AGL: variants seen among roughly 807,000 people sequenced by gnomAD.
The protein encoded by AGL is amylo-alpha-1,6-glucosidase and 4-alpha-glucanotransferase.
In AGL, 128 loss-of-function variants were observed where a neutral mutation model predicts 199.3. The observed-to-expected ratio is 0.64, with a 90% confidence interval of 0.56 to 0.74. The LOEUF is 0.74. Ranked by LOEUF, AGL falls within the 30% of genes least tolerant of loss-of-function variation. The pLI is 0.00. For synonymous variants in AGL, 584 were observed against 594.7 expected, an observed-to-expected ratio of 0.98 and a Z score of 0.26; for missense variants, 1,809 against 1,820.8, an observed-to-expected ratio of 0.99 and a Z score of 0.12.
At chr1:99,878,450 A>G (rs1044890353) in intron 12 of AGL, among the ~76,000 whole-genome samples, 2 of 152,134 alleles carry the variant, frequency 1.3e-5, no homozygotes, top group South Asian at 2.1e-4. Context: ...TATAAAAATT[A>G]TAAGTGTAAA....
intron 5 of AGL, among the ~76,000 whole-genome samples, chr1:99,865,160 T>C (rs1650402411): frequency 6.6e-6 from 1 of 151,802 alleles, no homozygotes; most frequent in Admixed American, 6.6e-5. Context: ...AAACACAAAA[T>C]ATCAAAATAT....
At chr1:99,891,500 C>G (rs974548641) in intron 22 of AGL, 106 bp from the exon 23 acceptor site, 2 of 1,519,490 alleles carry the variant, frequency 1.3e-6, no homozygotes, top group Non-Finnish European at 1.8e-6. Flanking sequence ...AAATGGAAAT[C>G]GGGTTTATAG....
chr1:99,870,723 T>C lies in AGL; in HGVS notation c.847-35T>C, dbSNP rs534584659. ...TTAACTGATTTTAAATAAGTATATG[T>C]ATATATGTATTTTTTAACTATTGAC... On this transcript the variant is annotated intron_variant, in intron 6 of 33. Coordinates refer to ENST00000361915, the MANE Select transcript of AGL (RefSeq NM_000642.3). The C allele has an allele frequency of 9.1e-6, 13 of 1,422,746 alleles. No homozygotes were observed. In the African/African-American group the frequency reaches 1.7e-4, roughly 19 times the overall value. The allele number at this position is 1,422,746 out of a possible 1,614,324, so 88.1% of individuals were successfully genotyped here. A position where few individuals can be genotyped will look rare whatever the true frequency, so the allele number is the denominator to read the frequency against.
At chr1:99,919,977 G>A (rs1275813391) in intron 33 of AGL, among the ~76,000 whole-genome samples, 1 of 152,110 alleles carries the variant, frequency 6.6e-6, no homozygotes, top group African/African-American at 2.4e-5. Context: ...CACCTACCTT[G>A]CTCTGTCCCA....
intron 26 of AGL, 27 bp from the exon 27 acceptor site, chr1:99,902,656 A>G: frequency 6.6e-7 from 1 of 1,516,322 alleles, no homozygotes; most frequent in Non-Finnish European, 9.2e-7. Context: ...TTTCTAACAG[A>G]GGTAACACCC....
intron 8 of AGL, among the ~76,000 whole-genome samples, 155 bp downstream of exon 8, chr1:99,874,965 C>G (rs1298241465): frequency 6.6e-6 from 1 of 152,140 alleles, no homozygotes; most frequent in Non-Finnish European, 1.5e-5. Flanking sequence ...CATTTTCCCA[C>G]TTTTTCTGTG....
intron 4 of AGL, among the ~76,000 whole-genome samples, chr1:99,862,986 G>A (rs578793): frequency 0.74 from 112,869 of 151,688 alleles, 42,795 homozygotes; most frequent in African/African-American, 0.91. Flanking sequence ...ACCCTGTCAC[G>A]TAGGCTGCAA....
At position 99,875,460 on chromosome 1, in the gene AGL, T is replaced by C; in HGVS notation, c.1283+5T>C. The C allele has an allele frequency of 6.2e-7, 1 of 1,613,720 alleles. No individual in the cohort carries two copies. Among genetic ancestry groups the C allele is most frequent in the Non-Finnish European group, 8.5e-7 (1 of 1,179,650 alleles). ...AAAGCATCCTTTAGTTACCAGGTGT[T>C]GCATTTTTGTTTTTTTTCTTATTGA... On this transcript the variant is annotated splice_donor_5th_base_variant and intron_variant, in intron 10 of 33. Coordinates refer to ENST00000361915, the MANE Select transcript of AGL (RefSeq NM_000642.3).
chr1:99,877,707 A>G lies in AGL; in HGVS notation c.1490A>G (p.Asn497Ser). ...WGDSVKLRYG[N>S]KPEDCPYLWA... ...GACAGTGTTAAATTACGCTATGGGA[A>G]TAAACCAGAGGACTGTCCTTATCTC... Residue 497 changes from asparagine to serine, a missense_variant, in exon 12 of 34, where the codon AAT becomes AGT. Asn to Ser is a conservative substitution (Grantham distance 46). Coordinates refer to ENST00000361915, the MANE Select transcript of AGL (RefSeq NM_000642.3). 6.2e-7 allele frequency: 1 copy of G among 1,614,094 alleles called. No homozygotes were observed.
At chr1:99,914,164 T>C (rs1654947033) in intron 30 of AGL, among the ~76,000 whole-genome samples, 1 of 152,082 alleles carries the variant, frequency 6.6e-6, no homozygotes, top group Non-Finnish European at 1.5e-5. Context: ...TATAGCACAA[T>C]AGGTTACATG....
rs756393699 is a variant in AGL, at chr1:99,913,533, C to G, written c.3956C>G (p.Ala1319Gly). ...HEVTVKRHGK[A>G]IKVSYDEWNR... ...GTCTTATGTCATTTTTCAGGAAAGG[C>G]TATAAAGGTCTCATATGATGAGTGG... The change falls in exon 30 of 34, where the codon GCT (alanine) becomes GGT (glycine). Residue 1319 changes from alanine to glycine, a missense_variant. Transcript: ENST00000361915. The G allele has an allele frequency of 7.4e-6, 12 of 1,611,874 alleles. No individual in the cohort carries two copies. In the South Asian group the frequency reaches 1.2e-4, roughly 16 times the overall value.
chr1:99,915,420 G>A lies in AGL; in HGVS notation c.4193G>A (p.Trp1398Ter), dbSNP rs1344484845. 1.9e-6 allele frequency: 3 copies of A among 1,613,642 alleles called. No individual in the cohort carries two copies. Among genetic ancestry groups the A allele is most frequent in the Non-Finnish European group, 2.5e-6 (3 of 1,179,840 alleles). The change falls in exon 31 of 34, where the codon TGG (tryptophan) becomes TAG (stop). Residue 1398 changes from tryptophan (W) to a stop codon, truncating the protein, a stop_gained. Transcript: ENST00000361915. LOFTEE classifies it high-confidence loss of function. ...APELFTTEKA[W>*]KALEIAEKKL... ...GAGCTCTTTACTACAGAAAAAGCATGGAAAGCTTTGGAGATTGCAGAAAAA... is the reference window on the plus strand; with the variant it reads ...GAGCTCTTTACTACAGAAAAAGCATAGAAAGCTTTGGAGATTGCAGAAAAA...
At chr1:99,857,847 A>AGAGGGAGAGCGTGGGGAGGGGGAGGGG (rs1557743553) in intron 2 of AGL, among the ~76,000 whole-genome samples, 2 of 8,226 alleles carry the variant, frequency 2.4e-4, no homozygotes, top group African/African-American at 9.6e-4. Context: ...GGGGAGGGGG[A>AGAGGGAGAGCGTGGGGAGGGGGAGGGG]GGGGGGAAGA....
chr1:99,896,321 TG>T lies in AGL; in HGVS notation c.3299del (p.Gly1100GlufsTer13). The T allele has an allele frequency of 6.2e-7, 1 of 1,614,094 alleles. No individual in the cohort carries two copies. The highest frequency in any genetic ancestry group is 8.5e-7 in the Non-Finnish European group (1 of 1,179,998). On this transcript the variant is annotated frameshift_variant, in exon 25 of 34. Transcript: ENST00000361915. LOFTEE classifies it high-confidence loss of function. ...TTTTTCTTCTGGTATTTTCCGCTGC[TG>T]GGGAAGGGATACTTTTATTGCACTT... is the stretch of plus-strand genomic sequence containing the variant. Reference protein sequence around the residue: ...PHFSSGIFRCWGRDTFIALRG... With the variant: ...PHFSSGIFRCXGRDTFIALRG...
At chr1:99,894,481 G>A (rs1370618566) in intron 24 of AGL, among the ~76,000 whole-genome samples, 6 of 152,102 alleles carry the variant, frequency 3.9e-5, no homozygotes, top group African/African-American at 1.4e-4. Flanking sequence ...CTATATATAT[G>A]TTAGCTGCTG....
intron 25 of AGL, among the ~76,000 whole-genome samples, chr1:99,899,502 T>C (rs548087659): frequency 1.1e-3 from 161 of 147,732 alleles, no homozygotes; most frequent in African/African-American, 3.8e-3. Context: ...TCTACCAGTT[T>C]GTTTTCTTTC....
chr1:99,855,209 A>G (rs946762354), intron 2 of AGL, among the ~76,000 whole-genome samples: 16 of 152,102 alleles, frequency 1.1e-4, no homozygotes, highest in African/African-American at 3.9e-4. Flanking sequence ...TCAAAAAAAA[A>G]GAAAAAAGAA....
In AGL at chr1:99,892,562, G is replaced by C; in HGVS notation, c.3214G>C (p.Glu1072Gln). ...AATGGATGTACCTTATAGGTTAAAT[G>C]AGATCACAAAAGAAAAGGAGCAATG... ...ALMDVPYRLNEITKEKEQCCV... is the reference protein window; with the variant it reads ...ALMDVPYRLNQITKEKEQCCV... The change falls in exon 24 of 34, where the codon GAG becomes CAG. Residue 1072 changes from glutamate to glutamine, a missense_variant. Glu to Gln is a conservative substitution (Grantham distance 29). Coordinates refer to ENST00000361915, the MANE Select transcript of AGL (RefSeq NM_000642.3). 1 of 1,613,550 alleles carries C rather than the reference G, an allele frequency of 6.2e-7. No homozygotes were observed.
chr1:99,853,898 A>AGTT lies in AGL; in HGVS notation c.82+2774_82+2775insGTT, dbSNP rs1649185944. Among the ~76,000 whole-genome samples the AGTT allele has an allele frequency of 5.3e-5, 8 of 151,856 alleles. No individual in the cohort carries two copies. The South Asian group carries it at 1.5e-3, about 28-fold the overall frequency. Reference sequence around the variant, plus strand: ...GAGTGAGACCCTGTCTTTAAAAAACAAAAATAAAGGGCCGGGCGCAGTGGC... The same window carrying AGTT: ...GAGTGAGACCCTGTCTTTAAAAAACAGTTAAAATAAAGGGCCGGGCGCAGTGGC... On this transcript the variant is annotated intron_variant, in intron 2 of 33. Coordinates refer to ENST00000361915, the MANE Select transcript of AGL (RefSeq NM_000642.3).
Sources: allele counts gnomAD v4.1 joint callset (sites outside exome capture counted in the v4.1 genomes callset), GRCh38; gene constraint gnomAD v4.1.1; transcripts MANE v1.5; gene names NCBI Gene and HGNC (gene_info 2026-07-23, HGNC 2026-07-21).